The following HOXD3 variants were observed in gnomAD, a reference collection of about 807,000 sequenced individuals.
HOXD3 encodes homeobox D3.
A neutral mutation model predicts 32.8 loss-of-function variants in HOXD3; 13 were observed. The ratio of observed to expected loss-of-function variants is 0.40; its 90% confidence interval spans 0.26 to 0.63. The LOEUF (loss-of-function observed/expected upper bound fraction) is 0.63, where lower values mean the gene tolerates loss of function less well. HOXD3 is among the 20% of genes least tolerant of loss of function. The probability of loss-of-function intolerance (pLI) is 0.44; values close to 1 mark genes in which losing one functional copy is unlikely to be tolerated. For missense variants in HOXD3, 504 were observed against 577.1 expected (o/e 0.87, Z 1.30); for synonymous variants, 241 against 246.8 (o/e 0.98, Z 0.22).
At chr2:176,165,898 C>G (rs908230523) in intron 2 of HOXD3, among the ~76,000 whole-genome samples, 1 of 152,052 alleles carries the variant, frequency 6.6e-6, no homozygotes, top group African/African-American at 2.4e-5. Context: ...ATTTATGACC[C>G]GTTCCTGCTT....
intron 1 of HOXD3, among the ~76,000 whole-genome samples, chr2:176,160,184 C>T (rs956808736): frequency 1.3e-5 from 2 of 152,296 alleles, no homozygotes; most frequent in East Asian, 1.9e-4. Context: ...GCGGGGAGGC[C>T]GCCTTGCCGG....
At chr2:176,154,288 T>C (rs1690602040), upstream of HOXD3, among the ~76,000 whole-genome samples, 2 of 152,220 alleles carry the variant, frequency 1.3e-5, no homozygotes, top group Admixed American at 6.5e-5. Context: ...AGATGTCCTC[T>C]AGTCGTTTTT....
At position 176,169,474 on chromosome 2, in the gene HOXD3, T is replaced by G; in HGVS notation, c.360T>G (p.Pro120=). 6.2e-7 allele frequency: 1 copy of G among 1,612,790 alleles called. No individual in the cohort carries two copies. Among genetic ancestry groups the G allele is most frequent in the Non-Finnish European group, 8.5e-7 (1 of 1,179,474 alleles). The change falls in exon 3 of 4, where the codon CCT becomes CCG. Residue 120 remains proline, a synonymous_variant. Transcript: ENST00000683222. ...LNSEQQPPQP[P]PPPPTLPPSS... ...CAGAGCAGCAGCCACCACAACCCCC[T>G]CCTCCACCACCGACCCTGCCCCCAT...
Position 176,171,954 on chromosome 2 carries a change from A to G in HOXD3, c.979A>G (p.Lys327Glu), listed in dbSNP as rs199832736. The change falls in exon 4 of 4, where the codon AAG (lysine) becomes GAG (glutamate). Residue 327 changes from lysine (K) to glutamate (E), a missense_variant. By Grantham distance (56) the Lys-to-Glu change is moderately conservative. This residue lies in a region of HOXD3 where 226 missense variants were observed against 246.9 expected (regional missense o/e 0.92). Coordinates refer to ENST00000683222, the MANE Select transcript of HOXD3 (RefSeq NM_006898.5). ...ACTCAGCAGCTGCCTGCCACAACAG[A>G]AGCGCTACGCAGCGCCGGAGTTCGA... ...APLSSCLPQQ[K>E]RYAAPEFEPH... The G allele has an allele frequency of 2.2e-4, 352 of 1,610,922 alleles. 1 individual carries two copies. Among genetic ancestry groups the G allele is most frequent in the Middle Eastern group, 5.0e-4 (3 of 6,058 alleles).
Position 176,169,597 on chromosome 2 carries a change from C to T in HOXD3, c.483C>T (p.Phe161=). 1.2e-6 allele frequency: 2 copies of T among 1,613,402 alleles called. No individual in the cohort carries two copies. The highest frequency in any genetic ancestry group is 1.7e-6 in the Non-Finnish European group (2 of 1,179,696). The change falls in exon 3 of 4, where the codon TTC becomes TTT. Residue 161 remains phenylalanine (F), a synonymous_variant. Transcript: ENST00000683222. Reference sequence around the variant, plus strand: ...CAGCCACCATCAGCAAGCAGATCTTCCCCTGGATGAAAGAGTCTCGACAGA... The same window carrying T: ...CAGCCACCATCAGCAAGCAGATCTTTCCCTGGATGAAAGAGTCTCGACAGA... The part of the protein sequence containing the change: ...SSSATISKQI[F]PWMKESRQNS...
At chr2:176,162,685 CAA>C (rs1405378998) in intron 1 of HOXD3, among the ~76,000 whole-genome samples, 6 of 152,254 alleles carry the variant, frequency 3.9e-5, no homozygotes, top group African/African-American at 1.2e-4. Context: ...CCTCTTACGC[CAA>C]GAGCTCAAAG....
chr2:176,170,181 TAGAG>T (rs1017411189), intron 3 of HOXD3, among the ~76,000 whole-genome samples: 8 of 152,128 alleles, frequency 5.3e-5, no homozygotes, highest in Admixed American at 4.6e-4. Context: ...AGAAAACTGT[TAGAG>T]AGGATAGGCA....
chr2:176,155,947 A>T (rs1238724190), upstream of HOXD3, among the ~76,000 whole-genome samples: 1 of 152,158 alleles, frequency 6.6e-6, no homozygotes, highest in Non-Finnish European at 1.5e-5. Flanking sequence ...TTCACACGAG[A>T]TGCTTTTTTA....
rs563102772 is a variant in HOXD3, at chr2:176,169,677, C to T, written c.541+22C>T. On this transcript the variant is annotated intron_variant, in intron 3 of 3. Transcript: ENST00000683222. ...GCAGGTAGCTCCCTGAGGTGGCCTA[C>T]TGCCAGACCAAGCCCCCTCCAGATT... 6.7e-5 allele frequency: 104 copies of T among 1,560,860 alleles called. 1 individual carries two copies. The East Asian group carries it at 2.3e-3, about 35-fold the overall frequency.
chr2:176,171,950 A>G lies in HOXD3; in HGVS notation c.975A>G (p.Gln325=), dbSNP rs778721418. The part of the protein sequence containing the change: ...YTAPLSSCLP[Q]QKRYAAPEFE... ...CGCCACTCAGCAGCTGCCTGCCACA[A>G]CAGAAGCGCTACGCAGCGCCGGAGT... The change falls in exon 4 of 4, where the codon CAA becomes CAG. Residue 325 remains glutamine, a synonymous_variant. Transcript: ENST00000683222. 83 of 1,611,006 alleles carry G rather than the reference A, an allele frequency of 5.2e-5. No homozygotes were observed. In the Middle Eastern group the frequency reaches 8.3e-4, roughly 16 times the overall value.
chr2:176,160,888 G>C (rs1262840608), intron 1 of HOXD3: 3 of 152,244 alleles, frequency 2.0e-5, no homozygotes, highest in African/African-American at 7.2e-5. Context: ...TGCGTTTATT[G>C]GTAGTTGAAC....
intron 1 of HOXD3, among the ~76,000 whole-genome samples, chr2:176,159,372 C>A (rs1034938682): frequency 2.6e-5 from 4 of 152,320 alleles, no homozygotes; most frequent in African/African-American, 9.6e-5. Flanking sequence ...CATTCCTGCG[C>A]CTCTGGAGTG....
At chr2:176,158,442 C>T (rs1037753358) in intron 1 of HOXD3, among the ~76,000 whole-genome samples, 6 of 152,214 alleles carry the variant, frequency 3.9e-5, no homozygotes, top group African/African-American at 1.4e-4. Context: ...TCTTTTCTTC[C>T]AGCTTGCAGC....
chr2:176,170,617 T>C (rs1412588925), intron 3 of HOXD3, among the ~76,000 whole-genome samples: 2 of 152,236 alleles, frequency 1.3e-5, no homozygotes, highest in East Asian at 3.9e-4. Context: ...TGTGGCTTGC[T>C]ATCAGGGATC....
At chr2:176,156,007 T>C (rs1690637452), upstream of HOXD3, among the ~76,000 whole-genome samples, 1 of 152,254 alleles carries the variant, frequency 6.6e-6, no homozygotes, top group Non-Finnish European at 1.5e-5. Context: ...TTATTTATAC[T>C]AATTGTTGCT....
At chr2:176,153,653 A>T (rs2105424971), upstream of HOXD3, among the ~76,000 whole-genome samples, 1 of 152,122 alleles carries the variant, frequency 6.6e-6, no homozygotes, top group Middle Eastern at 3.4e-3. Flanking sequence ...AGAATCAGAG[A>T]TATGTGCACT....
intron 1 of HOXD3, among the ~76,000 whole-genome samples, chr2:176,163,007 G>A (rs572913235): frequency 4.6e-5 from 7 of 152,292 alleles, no homozygotes; most frequent in African/African-American, 1.7e-4. Context: ...TCCCGGCCCA[G>A]CCAAGAGCGC....
Position 176,169,456 on chromosome 2 carries a change from G to T in HOXD3, c.342G>T (p.Gln114His). ...GSQPPGLNSE[Q>H]QPPQPPPPPP... ...AGCCTCCTGGTCTGAACTCAGAGCAGCAGCCACCACAACCCCCTCCTCCAC... is the reference window on the plus strand; with the variant it reads ...AGCCTCCTGGTCTGAACTCAGAGCATCAGCCACCACAACCCCCTCCTCCAC... The change falls in exon 3 of 4, where the codon CAG (glutamine) becomes CAT (histidine). Residue 114 changes from glutamine to histidine, a missense_variant. By Grantham distance (24) the Gln-to-His change is conservative. Coordinates refer to ENST00000683222, the MANE Select transcript of HOXD3 (RefSeq NM_006898.5). 6.2e-7 allele frequency: 1 copy of T among 1,612,814 alleles called. No individual in the cohort carries two copies. The highest frequency in any genetic ancestry group is 8.5e-7 in the Non-Finnish European group (1 of 1,179,432).
intron 2 of HOXD3, 130 bp downstream of exon 2, chr2:176,164,298 G>T (rs1465368368): frequency 6.6e-6 from 1 of 152,180 alleles, no homozygotes; most frequent in East Asian, 1.9e-4. Flanking sequence ...TCAGTATGAA[G>T]TACCACCCGT....
Sources: allele counts gnomAD v4.1 joint callset (sites outside exome capture counted in the v4.1 genomes callset), GRCh38; gene constraint gnomAD v4.1.1; regional missense constraint gnomAD v4.1.1; transcripts MANE v1.5; gene names NCBI Gene and HGNC (gene_info 2026-07-23, HGNC 2026-07-21).